CAMTA1: variants seen among roughly 807,000 people sequenced by gnomAD.
The protein encoded by CAMTA1 is calmodulin binding transcription activator 1, also known as calmodulin-binding transcription activator 1.
A neutral mutation model predicts 170.9 loss-of-function variants in CAMTA1; 27 were observed. The ratio of observed to expected loss-of-function variants is 0.16; its 90% CI spans 0.12 to 0.22. The LOEUF (loss-of-function observed/expected upper bound fraction) is 0.22, where lower values mean the gene tolerates loss of function less well. Among genes scored for constraint, CAMTA1 ranks in the 10% least tolerant of loss-of-function variants. The pLI is 1.00. For synonymous variants in CAMTA1, 833 were observed against 891.5 expected (o/e 0.93, Z 1.17); for missense variants, 1,619 against 2,217.2 (o/e 0.73, Z 5.42).
intron 3 of CAMTA1, among the ~76,000 whole-genome samples, chr1:6,852,172 C>CGGG (rs1249924706): frequency 2.6e-4 from 39 of 152,266 alleles, no homozygotes; most frequent in Admixed American, 5.9e-4. Flanking sequence ...AACAGCCAAA[C>CGGG]TAGAATGTTA....
intron 3 of CAMTA1, among the ~76,000 whole-genome samples, chr1:6,876,599 G>T (rs1206376234): frequency 6.6e-6 from 1 of 152,112 alleles, no homozygotes; most frequent in Non-Finnish European, 1.5e-5. Context: ...CTGACCTCAG[G>T]TGATCCACCC....
At chr1:7,710,051 G>A (rs758785327) in intron 11 of CAMTA1, among the ~76,000 whole-genome samples, 4 of 152,150 alleles carry the variant, frequency 2.6e-5, no homozygotes, top group Non-Finnish European at 4.4e-5. Flanking sequence ...TGTCTGTTAT[G>A]ACGCCACATT....
At chr1:6,889,740 C>A (rs1393866346) in intron 3 of CAMTA1, among the ~76,000 whole-genome samples, 3 of 152,144 alleles carry the variant, frequency 2.0e-5, no homozygotes, top group Admixed American at 2.0e-4. Context: ...GTAGAAGATG[C>A]TGGGATGGGT....
intron 4 of CAMTA1, among the ~76,000 whole-genome samples, chr1:7,230,634 G>T (rs1662604050): frequency 6.6e-6 from 1 of 152,190 alleles, no homozygotes; most frequent in Admixed American, 6.5e-5. Context: ...TAGCCAAGGA[G>T]GTGGAGGGTG....
intron 3 of CAMTA1, among the ~76,000 whole-genome samples, chr1:6,926,449 TTTC>T (rs774488190): frequency 1.4e-5 from 1 of 69,276 alleles, no homozygotes; most frequent in Non-Finnish European, 2.9e-5. Context: ...TCTTTCTTTC[TTTC>T]TTTCTTTCTT....
In CAMTA1 at chr1:7,093,588, G is replaced by A. The variant is rs150885959; in HGVS notation, c.302+2217G>A. ...GGGTTTCAGCCACCCTTTGACGGCA[G>A]AACAGTAGAACATTTCAAGGCAGCG... On this transcript the variant is annotated intron_variant, in intron 4 of 22. Transcript: ENST00000303635. The surrounding 1 kb of genome is among the most constrained non-coding windows in gnomAD (Gnocchi z 4.6). Among the ~76,000 whole-genome samples the A allele has an allele frequency of 1.3e-5, 2 of 152,294 alleles. No homozygotes were observed. The highest frequency in any genetic ancestry group is 1.9e-4 in the East Asian group (1 of 5,184).
intron 16 of CAMTA1, among the ~76,000 whole-genome samples, chr1:7,742,113 ATG>A (rs989008110): frequency 5.5e-5 from 8 of 146,538 alleles, no homozygotes; most frequent in South Asian, 2.3e-4. Flanking sequence ...AGGCAAATTA[ATG>A]TGTGTGTGTA....
intron 1 of CAMTA1, among the ~76,000 whole-genome samples, chr1:6,793,748 GAA>G (rs995434988): frequency 2.0e-5 from 3 of 151,846 alleles, no homozygotes; most frequent in Admixed American, 6.6e-5. Flanking sequence ...TACAAGTTTT[GAA>G]AAAAAGTTAT....
intron 3 of CAMTA1, among the ~76,000 whole-genome samples, chr1:6,980,003 A>C (rs10158342): frequency 0.51 from 77,660 of 151,984 alleles, 20,192 homozygotes; most frequent in African/African-American, 0.61. Flanking sequence ...ACGCACCCCC[A>C]TCCCACCTGT....
chr1:7,306,475 G>C (rs10864293), intron 5 of CAMTA1, among the ~76,000 whole-genome samples: 138,511 of 152,050 alleles, frequency 0.91, 63,247 homozygotes, highest in East Asian at 0.99. Context: ...TATGTCTCTT[G>C]TGTTCTATTC....
At chr1:7,310,375 A>G (rs1676272206) in intron 5 of CAMTA1, among the ~76,000 whole-genome samples, 1 of 152,236 alleles carries the variant, frequency 6.6e-6, no homozygotes, top group South Asian at 2.1e-4. Flanking sequence ...TTTGCAAGCC[A>G]TACAGTCTAT....
intron 3 of CAMTA1, among the ~76,000 whole-genome samples, chr1:6,899,947 C>T (rs963577206): frequency 1.3e-5 from 2 of 152,194 alleles, no homozygotes; most frequent in South Asian, 2.1e-4. Flanking sequence ...CAACACTGTG[C>T]GTGTTTGTTG....
chr1:7,094,403 G>A (rs548403707), intron 4 of CAMTA1, among the ~76,000 whole-genome samples: 2 of 152,262 alleles, frequency 1.3e-5, no homozygotes, highest in East Asian at 1.9e-4. Flanking sequence ...TGCTGCTGCC[G>A]CCGCCACTGC....
chr1:7,009,586 C>T (rs1187669050), intron 3 of CAMTA1, among the ~76,000 whole-genome samples: 1 of 152,230 alleles, frequency 6.6e-6, no homozygotes, highest in Non-Finnish European at 1.5e-5. Flanking sequence ...ACCGCAGCCT[C>T]AGAAAGGGGC....
chr1:7,237,259 A>G (rs950361688), intron 4 of CAMTA1, among the ~76,000 whole-genome samples: 1 of 152,196 alleles, frequency 6.6e-6, no homozygotes, highest in Non-Finnish European at 1.5e-5. Context: ...ATGAATTCAG[A>G]GGAGCAATAG....
rs1016116588 is a variant in CAMTA1, at chr1:7,722,377, CG to C, written c.2915-10070del. Among the ~76,000 whole-genome samples the C allele has an allele frequency of 1.1e-4, 17 of 152,140 alleles. No homozygotes were observed. The East Asian group carries it at 2.9e-3, about 26-fold the overall frequency. On this transcript the variant is annotated intron_variant, in intron 11 of 22. Coordinates refer to ENST00000303635, the MANE Select transcript of CAMTA1 (RefSeq NM_015215.4). ...CCCATGACTGTGCTGTGTGACACTT[CG>C]TGGAACAGCTGTGATGGAGAGGCTA... is the stretch of plus-strand genomic sequence containing the variant.
At chr1:6,998,634 C>T (rs974254735) in intron 3 of CAMTA1, among the ~76,000 whole-genome samples, 1 of 152,266 alleles carries the variant, frequency 6.6e-6, no homozygotes, top group Non-Finnish European at 1.5e-5. Flanking sequence ...CGTTTCGTCT[C>T]TCTTGCCAAA....
chr1:7,740,027 A>G (rs1456691641), intron 16 of CAMTA1, among the ~76,000 whole-genome samples: 2 of 152,100 alleles, frequency 1.3e-5, no homozygotes, highest in African/African-American at 2.4e-5. Context: ...CAGTCAAACC[A>G]TATCACCTAC....
At chr1:7,022,385 CAGT>C (rs1269214802) in intron 3 of CAMTA1, among the ~76,000 whole-genome samples, 2 of 151,972 alleles carry the variant, frequency 1.3e-5, no homozygotes, top group Admixed American at 6.6e-5. Flanking sequence ...TTGGGTGGGC[CAGT>C]GGTAGGGGCT....
Sources: allele counts gnomAD v4.1 joint callset (sites outside exome capture counted in the v4.1 genomes callset), GRCh38; gene constraint gnomAD v4.1.1; non-coding constraint Gnocchi (gnomAD v3.1); transcripts MANE v1.5; gene names NCBI Gene and HGNC (gene_info 2026-07-23, HGNC 2026-07-21).